Variants in FAM120C observed in about 807,000 individuals in gnomAD.
FAM120C encodes the protein constitutive coactivator of PPAR-gamma-like protein 2.
A neutral mutation model predicts 71.2 loss-of-function variants in FAM120C; 14 were observed. The observed-to-expected ratio is 0.20, with a 90% CI of 0.13 to 0.31. The LOEUF (loss-of-function observed/expected upper bound fraction) is 0.31, where lower values mean the gene tolerates loss of function less well. Ranked by LOEUF, FAM120C falls within the 10% of genes least tolerant of loss-of-function variation. The pLI is 1.00. For missense variants in FAM120C, 500 were observed against 879.0 expected (o/e 0.57, Z 5.45); for synonymous variants, 354 against 353.2 (o/e 1.00, Z -0.03).
chrX:54,116,429 G>T, intron 10 of FAM120C, 116 bp downstream of exon 10: 1 of 866,993 alleles, frequency 1.2e-6, no homozygotes, highest in Non-Finnish European at 1.6e-6. Flanking sequence ...TGGCGCATAA[G>T]CCAAACATAA....
chrX:54,167,645 T>C (rs1488371506), intron 1 of FAM120C, among the ~76,000 whole-genome samples: 11 of 109,627 alleles, frequency 1.0e-4, no homozygotes, highest in African/African-American at 2.0e-4. Context: ...GGGTGATGGT[T>C]TTTGAGAGGA....
chrX:54,177,609 T>C (rs1432014732), intron 1 of FAM120C, among the ~76,000 whole-genome samples: 1 of 111,370 alleles, frequency 9.0e-6, no homozygotes, highest in Non-Finnish European at 1.9e-5. Context: ...TATTTTTTAG[T>C]TTAAGTGACC....
intron 9 of FAM120C, among the ~76,000 whole-genome samples, chrX:54,131,764 C>CTT (rs1159999310): frequency 9.9e-6 from 1 of 101,193 alleles, no homozygotes; most frequent in African/African-American, 3.9e-5. Flanking sequence ...TTCTTTCTTT[C>CTT]TTTTTTTTTT....
chrX:54,081,109 G>A (rs1389201334), intron 14 of FAM120C, among the ~76,000 whole-genome samples: 3 of 109,443 alleles, frequency 2.7e-5, no homozygotes, highest in African/African-American at 1.0e-4. Flanking sequence ...AGGCAGAGGA[G>A]GTTGCAGGAA....
chrX:54,127,034 G>A (rs2067030943), intron 9 of FAM120C, among the ~76,000 whole-genome samples: 1 of 111,884 alleles, frequency 8.9e-6, no homozygotes, highest in African/African-American at 3.2e-5. Context: ...GTATGCAGAT[G>A]GCTGTCTTCT....
chrX:54,159,249 T>C, intron 2 of FAM120C, 121 bp downstream of exon 2: 1 of 902,793 alleles, frequency 1.1e-6, no homozygotes, highest in South Asian at 2.4e-5. Context: ...CAGCAGTGTT[T>C]AGCGTGAAGA....
chrX:54,077,078 T>TA (rs1487266819), intron 15 of FAM120C, among the ~76,000 whole-genome samples: 2 of 108,272 alleles, frequency 1.8e-5, no homozygotes, highest in African/African-American at 3.3e-5. Flanking sequence ...GGTGACTCAT[T>TA]AAAAAAAAAG....
At chrX:54,091,797 G>A (rs2066825477) in intron 10 of FAM120C, among the ~76,000 whole-genome samples, 1 of 111,894 alleles carries the variant, frequency 8.9e-6, no homozygotes, top group Non-Finnish European at 1.9e-5. Context: ...GGGAAAGGAT[G>A]TTCCAGGTTG....
chrX:54,110,541 G>A (rs1035378114), intron 10 of FAM120C, among the ~76,000 whole-genome samples: 2 of 109,976 alleles, frequency 1.8e-5, no homozygotes, highest in Non-Finnish European at 3.8e-5. Flanking sequence ...TAGAATCTAG[G>A]TGGTGGTTAT....
In FAM120C at chrX:54,070,196, C is replaced by T. The variant is rs1304297767; in HGVS notation, c.*2837G>A. 9.0e-6 allele frequency: 1 copy of T among 111,695 alleles called. No homozygotes were observed. Among genetic ancestry groups the T allele is most frequent in the East Asian group, 2.8e-4 (1 of 3,589 alleles). 9.2% of individuals were successfully genotyped at this position (111,695 alleles called of 1,213,427 possible). The stretch of plus-strand genomic sequence containing the variant: ...GATAAATAAAAATCTAGGAATATGG[C>T]CATTTATGGTTCCTTCTTGTAACCT... On this transcript the variant is annotated 3_prime_UTR_variant, in exon 16 of 16. Coordinates refer to ENST00000375180, the MANE Select transcript of FAM120C (RefSeq NM_017848.6).
At chrX:54,170,560 C>T (rs2067282613) in intron 1 of FAM120C, among the ~76,000 whole-genome samples, 1 of 112,068 alleles carries the variant, frequency 8.9e-6, no homozygotes, top group African/African-American at 3.2e-5. Flanking sequence ...GTGTGTCAAC[C>T]ATGGGCTGGA....
At chrX:54,105,524 T>C (rs1263289744) in intron 10 of FAM120C, among the ~76,000 whole-genome samples, 9 of 111,684 alleles carry the variant, frequency 8.1e-5, no homozygotes, top group Admixed American at 7.7e-4. Context: ...TCTCTCACCA[T>C]TCCTATTCAA....
At chrX:54,143,404 T>C (rs1557131966) in intron 4 of FAM120C, among the ~76,000 whole-genome samples, 3 of 109,768 alleles carry the variant, frequency 2.7e-5, no homozygotes, top group South Asian at 3.9e-4. Flanking sequence ...ATCAACAAAA[T>C]TGATAGACCG....
intron 11 of FAM120C, among the ~76,000 whole-genome samples, chrX:54,090,949 TAATACTC>T (rs1212748962): frequency 9.0e-6 from 1 of 111,338 alleles, no homozygotes. Flanking sequence ...TACTTCTACT[TAATACTC>T]AATACATATC....
At chrX:54,153,172 A>G (rs782483085) in intron 3 of FAM120C, among the ~76,000 whole-genome samples, 1 of 111,876 alleles carries the variant, frequency 8.9e-6, no homozygotes, top group African/African-American at 3.2e-5. Flanking sequence ...GTGTGTGCAT[A>G]TAATTTTTTA....
chrX:54,139,446 T>C (rs1557131260), intron 4 of FAM120C, among the ~76,000 whole-genome samples: 3 of 107,957 alleles, frequency 2.8e-5, no homozygotes, highest in Non-Finnish European at 3.8e-5. Context: ...TTCAAGTGAT[T>C]CTCCTGCCTC....
intron 1 of FAM120C, among the ~76,000 whole-genome samples, chrX:54,168,183 CT>C (rs2067270142): frequency 9.0e-6 from 1 of 111,251 alleles, no homozygotes; most frequent in Non-Finnish European, 1.9e-5. Context: ...GTCACCAAGG[CT>C]GGAATGCAGT....
At chrX:54,104,228 C>T (rs1395111677) in intron 10 of FAM120C, among the ~76,000 whole-genome samples, 2 of 111,323 alleles carry the variant, frequency 1.8e-5, no homozygotes, top group Admixed American at 9.7e-5. Flanking sequence ...CTATTGTATG[C>T]GCAAAGGTTC....
chrX:54,103,479 T>C (rs970256502), intron 10 of FAM120C, among the ~76,000 whole-genome samples: 13 of 112,342 alleles, frequency 1.2e-4, no homozygotes, highest in Non-Finnish European at 2.1e-4. Flanking sequence ...TTCATCTTTA[T>C]AATTAATCCA....
Sources: gnomAD v4.1 joint callset for allele counts (sites outside exome capture counted in the v4.1 genomes callset) on GRCh38, gnomAD v4.1.1 for gene constraint, MANE v1.5 for transcripts, NCBI Gene and HGNC (gene_info 2026-07-23, HGNC 2026-07-21) for gene names.